The following BMP1 variants were observed in gnomAD, a reference collection of about 807,000 sequenced individuals.
BMP1 encodes mammalian tolloid protein.
BMP1 carries 63 observed loss-of-function variants against 116.8 expected under a neutral mutation model. That is an observed-to-expected ratio of 0.54 (90% CI 0.44 to 0.67). BMP1 has a LOEUF of 0.67. Ranked by LOEUF, BMP1 falls within the 30% of genes least tolerant of loss-of-function variation. The probability of loss-of-function intolerance (pLI) is 0.00; values close to 1 mark genes in which losing one functional copy is unlikely to be tolerated. For missense variants in BMP1, 1,183 were observed against 1,358.9 expected (o/e 0.87, Z 2.04); for synonymous variants, 536 against 533.4 (o/e 1.00, Z -0.07).
rs777493433 is a variant in BMP1, at chr8:22,176,139, T to C, written c.263-4T>C. ...TCACTAGTCACCATGACTTCCTCTC[T>C]CAGTTCCAGGAAACACTTCTACCCC... On this transcript the variant is annotated splice_region_variant and splice_polypyrimidine_tract_variant and intron_variant, in intron 2 of 19. Coordinates refer to ENST00000306385, the MANE Select transcript of BMP1 (RefSeq NM_006129.5). The C allele has an allele frequency of 2.5e-6, 4 of 1,613,804 alleles. No individual in the cohort carries two copies. Among genetic ancestry groups the C allele is most frequent in the Admixed American group, 1.7e-5 (1 of 59,984 alleles).
At chr8:22,205,306 G>A (rs985920118) in intron 16 of BMP1, among the ~76,000 whole-genome samples, 1 of 152,188 alleles carries the variant, frequency 6.6e-6, no homozygotes, top group Non-Finnish European at 1.5e-5. Flanking sequence ...GGGCCCAGGT[G>A]AGGCTGGAGC....
rs543225648 is a variant in BMP1, at chr8:22,179,464, A to C, written c.837-241A>C. ...AGGGCACCCTGGACCTGCATCCCTGACCTCCCAAAGTGTTCCTGGGGCTCC... is the reference window on the plus strand; with the variant it reads ...AGGGCACCCTGGACCTGCATCCCTGCCCTCCCAAAGTGTTCCTGGGGCTCC... On this transcript the variant is annotated intron_variant, in intron 6 of 19. Transcript: ENST00000306385. This position sits in a 1 kb window ranked among gnomAD's most constrained non-coding sequence, Gnocchi z 4.6. 6.6e-5 allele frequency among the ~76,000 whole-genome samples: 10 copies of C among 151,896 alleles called. No individual in the cohort carries two copies. The highest frequency in any genetic ancestry group is 1.0e-4 in the Non-Finnish European group (7 of 67,938).
intron 9 of BMP1, 91 bp from the exon 10 acceptor site, chr8:22,193,967 G>A: frequency 9.7e-7 from 1 of 1,032,546 alleles, no homozygotes; most frequent in Admixed American, 1.8e-5. Context: ...CACAGATCAG[G>A]GCCCAAGCAC....
At chr8:22,209,984 G>A (rs1018226115) in intron 19 of BMP1, among the ~76,000 whole-genome samples, 2 of 152,272 alleles carry the variant, frequency 1.3e-5, no homozygotes, top group Non-Finnish European at 2.9e-5. Flanking sequence ...GCCTGGAGCG[G>A]ATGGAGCTTC....
At chr8:22,204,799 C>T (rs540938987) in intron 16 of BMP1, among the ~76,000 whole-genome samples, 67 of 146,882 alleles carry the variant, frequency 4.6e-4, no homozygotes, top group African/African-American at 1.6e-3. Context: ...GTCAGATTGC[C>T]GTGGATTGAG....
Position 22,211,655 on chromosome 8 carries a change from C to A in BMP1, c.2888C>A (p.Thr963Asn). ...CTGGTGAAGTTCCACTCGGATGACA[C>A]CATCACCAAAAAAGGTTTCCACCTG... Reference protein sequence around the residue: ...SVLVKFHSDDTITKKGFHLRY... With the variant: ...SVLVKFHSDDNITKKGFHLRY... The change falls in exon 20 of 20, where the codon ACC (threonine) becomes AAC (asparagine). Residue 963 changes from threonine to asparagine, a missense_variant. Thr to Asn is a moderately conservative substitution (Grantham distance 65, BLOSUM62 0). Transcript: ENST00000306385. The A allele has an allele frequency of 6.2e-7, 1 of 1,614,160 alleles. No homozygotes were observed. Among genetic ancestry groups the A allele is most frequent in the East Asian group, 2.2e-5 (1 of 44,888 alleles).
chr8:22,195,351 A>G, intron 12 of BMP1, 111 bp from the exon 13 acceptor site: 1 of 1,390,146 alleles, frequency 7.2e-7, no homozygotes, highest in Non-Finnish European at 9.7e-7. Context: ...GTGGGGTTCC[A>G]GCCATCGGGG....
At position 22,206,913 on chromosome 8, in the gene BMP1, G is replaced by A. The variant is rs771652666; in HGVS notation, c.2293G>A (p.Asp765Asn). 6.2e-7 allele frequency: 1 copy of A among 1,614,196 alleles called. No homozygotes were observed. The highest frequency in any genetic ancestry group is 8.5e-7 in the Non-Finnish European group (1 of 1,180,028). Residue 765 changes from aspartate to asparagine, a missense_variant, in exon 17 of 20, where the codon GAC (aspartate) becomes AAC (asparagine). Coordinates refer to ENST00000306385, the MANE Select transcript of BMP1 (RefSeq NM_006129.5). ...TACCATCACCAGCCCCAACTGGCCT[G>A]ACAAGTATCCCAGCAAGAAGGAGTG... is the stretch of plus-strand genomic sequence containing the variant. ...SGTITSPNWP[D>N]KYPSKKECTW...
chr8:22,191,161 CAGTGCCTGTGCCTTGGA>C (rs1273022561), intron 8 of BMP1, among the ~76,000 whole-genome samples: 1 of 152,206 alleles, frequency 6.6e-6, no homozygotes, highest in Non-Finnish European at 1.5e-5. Flanking sequence ...TCAGGACAGA[CAGTGCCTGTGCCTTGGA>C]AGTGTGATGT....
intron 2 of BMP1, among the ~76,000 whole-genome samples, chr8:22,174,010 A>G (rs1366991038): frequency 6.6e-6 from 1 of 152,208 alleles, no homozygotes; most frequent in Non-Finnish European, 1.5e-5. Flanking sequence ...TGGTGTCAGG[A>G]CAACTCCTGT....
At chr8:22,192,018 G>C (rs756685154) in intron 8 of BMP1, 31 bp from the exon 9 acceptor site, 1 of 1,579,024 alleles carries the variant, frequency 6.3e-7, no homozygotes, top group Non-Finnish European at 8.7e-7. Flanking sequence ...GTTCGGGACA[G>C]CTTAACCCTC....
intron 8 of BMP1, among the ~76,000 whole-genome samples, chr8:22,183,279 T>A (rs1828674954): frequency 6.6e-6 from 1 of 152,114 alleles, no homozygotes; most frequent in South Asian, 2.1e-4. Context: ...TAGCTGGGTG[T>A]CTGGTGGGTG....
In BMP1 at chr8:22,209,452, G is replaced by T; in HGVS notation, c.2583G>T (p.Gly861=). 6.2e-7 allele frequency: 1 copy of T among 1,614,162 alleles called. No homozygotes were observed. The highest frequency in any genetic ancestry group is 8.5e-7 in the Non-Finnish European group (1 of 1,180,008). ...GFQASHATEC[G]GQVRADVKTK... ...CCCTCTTGTCCCCTACAGAGTGCGGGGGCCAGGTACGGGCAGACGTGAAGA... is the reference window on the plus strand; with the variant it reads ...CCCTCTTGTCCCCTACAGAGTGCGGTGGCCAGGTACGGGCAGACGTGAAGA... The change falls in exon 19 of 20, where the codon GGG becomes GGT. Residue 861 remains glycine (G), a synonymous_variant. Transcript: ENST00000306385.
At chr8:22,165,631 C>T in intron 1 of BMP1, 78 bp downstream of exon 1, 1 of 1,439,696 alleles carries the variant, frequency 6.9e-7, no homozygotes, top group Non-Finnish European at 9.1e-7. Flanking sequence ...TGGGGGAGGA[C>T]AGTCCAGTGT....
intron 16 of BMP1, among the ~76,000 whole-genome samples, chr8:22,202,672 AC>A (rs1224929007): frequency 6.6e-6 from 1 of 152,112 alleles, no homozygotes; most frequent in Non-Finnish European, 1.5e-5. Context: ...ACATAGTGAG[AC>A]TCTGTCTCTA....
chr8:22,184,566 C>T (rs1027158196), intron 8 of BMP1, among the ~76,000 whole-genome samples: 5 of 152,210 alleles, frequency 3.3e-5, no homozygotes, highest in East Asian at 1.9e-4. Flanking sequence ...ACCCTGGGGA[C>T]GTGAACATTG....
intron 1 of BMP1, among the ~76,000 whole-genome samples, chr8:22,172,051 T>C (rs753334671): frequency 6.6e-6 from 1 of 152,212 alleles, no homozygotes; most frequent in Non-Finnish European, 1.5e-5. Flanking sequence ...TGATTCTGTA[T>C]GTGATGAAGT....
In BMP1 at chr8:22,165,427, C is replaced by A. The variant is rs756525361; in HGVS notation, c.22C>A (p.Pro8Thr). The A allele has an allele frequency of 1.9e-6, 3 of 1,549,408 alleles. No individual in the cohort carries two copies. The highest frequency in any genetic ancestry group is 2.6e-6 in the Non-Finnish European group (3 of 1,153,866). Residue 8 changes from proline (P) to threonine (T), a missense_variant, in exon 1 of 20, where the codon CCG (proline) becomes ACG (threonine). This residue lies in a region of BMP1 where 185 missense variants were observed against 158.9 expected (regional missense o/e 1.16). Transcript: ENST00000306385. ...CAGCATGCCCGGCGTGGCCCGCCTG[C>A]CGCTGCTGCTCGGGCTGCTGCTGCT... MPGVARL[P>T]LLLGLLLLPR...
chr8:22,185,534 A>T (rs1354894207), intron 8 of BMP1, among the ~76,000 whole-genome samples: 2 of 152,146 alleles, frequency 1.3e-5, no homozygotes, highest in Non-Finnish European at 2.9e-5. Flanking sequence ...CAGAGGAGCC[A>T]AGAAGATAAG....
Sources: allele counts gnomAD v4.1 joint callset (sites outside exome capture counted in the v4.1 genomes callset), GRCh38; gene constraint gnomAD v4.1.1; regional missense constraint gnomAD v4.1.1; non-coding constraint Gnocchi (gnomAD v3.1); transcripts MANE v1.5; gene names NCBI Gene and HGNC (gene_info 2026-07-23, HGNC 2026-07-21).